Variants in XDH observed in about 807,000 individuals in gnomAD.
The protein encoded by XDH is xanthine dehydrogenase.
A neutral mutation model predicts 156.1 loss-of-function variants in XDH; 138 were observed. That is an observed-to-expected ratio of 0.88 (90% CI 0.77 to 1.02). The LOEUF (loss-of-function observed/expected upper bound fraction) is 1.02, where lower values mean the gene tolerates loss of function less well. XDH is among the 50% of genes least tolerant of loss of function. XDH has a pLI of 0.00. For missense variants in XDH, 1,849 were observed against 1,684.9 expected, an observed-to-expected ratio of 1.10 and a Z score of -1.71; for synonymous variants, 669 against 625.7, an observed-to-expected ratio of 1.07 and a Z score of -1.03.
At position 31,399,293 on chromosome 2, in the gene XDH, C is replaced by G. The variant is rs184325822; in HGVS notation, c.307-594G>C. 1.9e-3 allele frequency among the ~76,000 whole-genome samples: 284 copies of G among 152,170 alleles called. 1 individual carries two copies. Among genetic ancestry groups the G allele is most frequent in the African/African-American group, 6.2e-3 (259 of 41,504 alleles). ...TGTAACTTCTGAGGGGAGGTCAAAG[C>G]TGAAGTTGTAAATGAGAGTATAGGG... is the stretch of plus-strand genomic sequence containing the variant. On this transcript the variant is annotated intron_variant, in intron 4 of 35. Transcript: ENST00000379416.
At chr2:31,368,810 C>G (rs990317742) in intron 18 of XDH, 150 bp from the exon 19 acceptor site, 2 of 1,453,470 alleles carry the variant, frequency 1.4e-6, no homozygotes, top group Non-Finnish European at 1.9e-6. Flanking sequence ...TTTCCTTATC[C>G]TACTGATTGA....
At chr2:31,358,550 T>C (rs1685685546) in intron 24 of XDH, among the ~76,000 whole-genome samples, 1 of 152,086 alleles carries the variant, frequency 6.6e-6, no homozygotes, top group South Asian at 2.1e-4. Context: ...AATATATTAA[T>C]TATACCATGA....
At position 31,334,775 on chromosome 2, in the gene XDH, A is replaced by T. The variant is rs747801050; in HGVS notation, c.*1183T>A. On this transcript the variant is annotated 3_prime_UTR_variant, in exon 36 of 36. Transcript: ENST00000379416. Reference sequence around the variant, plus strand: ...GGGGAATTGACAGTCCAAGATCACAAAGATAGAGACAGAAGAGACAGAGCT... The same window carrying T: ...GGGGAATTGACAGTCCAAGATCACATAGATAGAGACAGAAGAGACAGAGCT... 6 of 152,206 alleles carry T rather than the reference A, an allele frequency of 3.9e-5. No individual in the cohort carries two copies. Among genetic ancestry groups the T allele is most frequent in the Non-Finnish European group, 8.8e-5 (6 of 68,044 alleles). 9.4% of individuals were successfully genotyped at this position (152,206 alleles called of 1,614,324 possible).
intron 2 of XDH, 116 bp downstream of exon 2, chr2:31,405,791 C>T (rs1687176081): frequency 9.6e-6 from 11 of 1,143,618 alleles, no homozygotes; most frequent in Non-Finnish European, 1.5e-5. Flanking sequence ...TAATCCAGTG[C>T]TCTTTCCTCC....
chr2:31,397,585 C>T (rs1686944727), intron 6 of XDH, 83 bp downstream of exon 6: 1 of 1,512,722 alleles, frequency 6.6e-7, no homozygotes, highest in Non-Finnish European at 9.2e-7. Flanking sequence ...AGACCAGAGG[C>T]CCTTGGTCTC....
Position 31,364,139 on chromosome 2 carries a change from G to C in XDH, c.2631+19C>G. ...CGAAGTCAGCTCTGGGTGCAGGGGC[G>C]GCTGCAGGTCCTACTCACACTCTGA... On this transcript the variant is annotated intron_variant, in intron 24 of 35. Coordinates refer to ENST00000379416, the MANE Select transcript of XDH (RefSeq NM_000379.4). 2.5e-6 allele frequency: 4 copies of C among 1,612,762 alleles called. No homozygotes were observed. The highest frequency in any genetic ancestry group is 3.4e-6 in the Non-Finnish European group (4 of 1,179,430).
chr2:31,382,930 G>A, intron 11 of XDH, 71 bp downstream of exon 11: 1 of 1,607,980 alleles, frequency 6.2e-7, no homozygotes, highest in East Asian at 2.2e-5. Flanking sequence ...GACACAGTGA[G>A]AGTCTGGCTG....
At chr2:31,384,161 T>C in intron 9 of XDH, 1 of 375,796 alleles carries the variant, frequency 2.7e-6, no homozygotes, top group South Asian at 2.3e-5. Flanking sequence ...TGTGTTTGTG[T>C]ACATTAGAAA....
At chr2:31,388,009 G>T in intron 7 of XDH, 112 bp from the exon 8 acceptor site, 1 of 1,265,846 alleles carries the variant, frequency 7.9e-7, no homozygotes, top group Non-Finnish European at 1.1e-6. Flanking sequence ...CCTGCAGGCT[G>T]CAAGAGGAGC....
intron 23 of XDH, among the ~76,000 whole-genome samples, 175 bp from the exon 24 acceptor site, chr2:31,364,419 G>T (rs1444457446): frequency 1.3e-5 from 2 of 152,076 alleles, no homozygotes; most frequent in African/African-American, 4.8e-5. Context: ...AAGTGAAGAA[G>T]AGAGGAACTG....
intron 6 of XDH, among the ~76,000 whole-genome samples, chr2:31,392,587 G>A: frequency 6.6e-6 from 1 of 151,908 alleles, no homozygotes; most frequent in Non-Finnish European, 1.5e-5. Flanking sequence ...ACCATGCCTG[G>A]CTAATTTTTG....
intron 17 of XDH, among the ~76,000 whole-genome samples, chr2:31,371,640 C>T (rs1686074151): frequency 6.6e-6 from 1 of 151,940 alleles, no homozygotes; most frequent in South Asian, 2.1e-4. Context: ...AAGAATGTAT[C>T]CTATAGCTGC....
At position 31,383,801 on chromosome 2, in the gene XDH, G is replaced by A. The variant is rs757765682; in HGVS notation, c.840C>T (p.Cys280=). 1.2e-6 allele frequency: 2 copies of A among 1,614,088 alleles called. No individual in the cohort carries two copies. Among genetic ancestry groups the A allele is most frequent in the South Asian group, 2.2e-5 (2 of 91,024 alleles). Residue 280 remains cysteine, a synonymous_variant, in exon 10 of 36, where the codon TGC becomes TGT. Transcript: ENST00000379416. ...AATTCAGCTCAGGGATCCAGGCTGGGCAGACAATCATAGGAAACAGCATAT... is the reference window on the plus strand; with the variant it reads ...AATTCAGCTCAGGGATCCAGGCTGGACAGACAATCATAGGAAACAGCATAT... ...FKNMLFPMIV[C]PAWIPELNSV...
At chr2:31,355,016 G>C (rs1477212321) in intron 24 of XDH, among the ~76,000 whole-genome samples, 1 of 152,072 alleles carries the variant, frequency 6.6e-6, no homozygotes, top group African/African-American at 2.4e-5. Flanking sequence ...TAAAGACAAA[G>C]GAAAAATCTT....
chr2:31,406,355 C>G (rs1687191366), intron 1 of XDH, among the ~76,000 whole-genome samples: 1 of 152,144 alleles, frequency 6.6e-6, no homozygotes, highest in African/African-American at 2.4e-5. Context: ...TCCCCAGAAG[C>G]CAAGCACATG....
chr2:31,358,652 A>G (rs1685689619), intron 24 of XDH, among the ~76,000 whole-genome samples: 1 of 152,204 alleles, frequency 6.6e-6, no homozygotes, highest in African/African-American at 2.4e-5. Flanking sequence ...TAAAGAAGAA[A>G]AAATCACATG....
intron 16 of XDH, 112 bp downstream of exon 16, chr2:31,373,761 T>A: frequency 9.5e-7 from 1 of 1,056,134 alleles, no homozygotes; most frequent in Non-Finnish European, 1.4e-6. Flanking sequence ...GAGTAAGGAG[T>A]TTTATGGACC....
At position 31,414,616 on chromosome 2, in the gene XDH, C is replaced by G. The variant is rs771986875; in HGVS notation, c.42+9G>C. 1.2e-6 allele frequency: 2 copies of G among 1,614,100 alleles called. No homozygotes were observed. Among genetic ancestry groups the G allele is most frequent in the Admixed American group, 1.7e-5 (1 of 60,026 alleles). ...AGGGACACAAAACCAAAGGTCAGCT[C>G]CTACTTACCTTTCTGCCATTCACAA... On this transcript the variant is annotated intron_variant, in intron 1 of 35. Transcript: ENST00000379416.
chr2:31,337,753 C>T lies in XDH; in HGVS notation c.3839G>A (p.Arg1280His), dbSNP rs759439909. The T allele has an allele frequency of 9.9e-6, 16 of 1,614,210 alleles. No individual in the cohort carries two copies. The highest frequency in any genetic ancestry group is 2.2e-5 in the East Asian group (1 of 44,890). Residue 1280 changes from arginine to histidine, a missense_variant, in exon 35 of 36, where the codon CGT (arginine) becomes CAT (histidine). Arg to His is a conservative substitution (Grantham distance 29). Coordinates refer to ENST00000379416, the MANE Select transcript of XDH (RefSeq NM_000379.4). ...ACCTGTGTGCTGAGCTCGAGCTGCA[C>T]GGATGGCATCTTTGATGGCAAAGAA... ...SIFFAIKDAIRAARAQHTGNN... is the reference protein window; with the variant it reads ...SIFFAIKDAIHAARAQHTGNN...
Sources: allele counts gnomAD v4.1 joint callset (sites outside exome capture counted in the v4.1 genomes callset), GRCh38; gene constraint gnomAD v4.1.1; transcripts MANE v1.5; gene names NCBI Gene and HGNC (gene_info 2026-07-23, HGNC 2026-07-21).